Variants in NT5DC3 observed in about 807,000 individuals in gnomAD.
NT5DC3 encodes the protein 5'-nucleotidase domain-containing protein 3.
NT5DC3 carries 42 observed loss-of-function variants against 67.8 expected under a neutral mutation model. The ratio of observed to expected loss-of-function variants is 0.62; its 90% confidence interval spans 0.48 to 0.80. NT5DC3 has a LOEUF of 0.80. Among genes scored for constraint, NT5DC3 ranks in the 30% least tolerant of loss-of-function variants. The pLI, the probability that NT5DC3 is intolerant of heterozygous loss-of-function variation, is 0.00. For missense variants in NT5DC3, 570 were observed against 696.4 expected (o/e 0.82, Z 2.04); for synonymous variants, 237 against 255.6 (o/e 0.93, Z 0.69).
At chr12:103,797,752 G>A (rs1278305295) in intron 5 of NT5DC3, among the ~76,000 whole-genome samples, 2 of 152,092 alleles carry the variant, frequency 1.3e-5, no homozygotes, top group Non-Finnish European at 2.9e-5. Flanking sequence ...CCACATTTGA[G>A]CTTAAAAAAG....
At chr12:103,755,128 C>CA in the NT5DC3 span, 3 of 811,858 alleles carry the variant, frequency 3.7e-6, no homozygotes, top group Non-Finnish European at 5.8e-6. Context: ...CCCAGTGGCT[C>CA]AATCAATCAG....
chr12:103,766,229 T>G, downstream of NT5DC3: 1 of 1,609,676 alleles, frequency 6.2e-7, no homozygotes, highest in Non-Finnish European at 8.5e-7. Context: ...CCAGAAAGAT[T>G]CAACTAGGAC....
the NT5DC3 span, among the ~76,000 whole-genome samples, chr12:103,761,754 T>A: frequency 6.6e-6 from 1 of 152,228 alleles, no homozygotes; most frequent in Non-Finnish European, 1.5e-5. Flanking sequence ...TTTTCTCATC[T>A]GCAAAATGGG....
chr12:103,817,865 A>T (rs57330759), intron 1 of NT5DC3, among the ~76,000 whole-genome samples: 2 of 152,116 alleles, frequency 1.3e-5, no homozygotes, highest in Non-Finnish European at 2.9e-5. Flanking sequence ...CTTCTTTCTG[A>T]CTATGAATGG....
At chr12:103,750,974 C>T in the NT5DC3 span, among the ~76,000 whole-genome samples, 2 of 152,208 alleles carry the variant, frequency 1.3e-5, no homozygotes, top group Non-Finnish European at 2.9e-5. Flanking sequence ...CGCCTGTAAT[C>T]CCAGCTACTT....
the NT5DC3 span, chr12:103,763,417 C>T: frequency 7.4e-7 from 1 of 1,356,020 alleles, no homozygotes; most frequent in Non-Finnish European, 1.0e-6. Context: ...GGGTGGCTTG[C>T]TTTACCTGCC....
the NT5DC3 span, among the ~76,000 whole-genome samples, chr12:103,757,263 CT>C: frequency 8.6e-5 from 13 of 151,304 alleles, no homozygotes; most frequent in African/African-American, 2.9e-4. Flanking sequence ...AATTTTTTAA[CT>C]TTTTGTAGAG....
rs2139321223 is a variant in NT5DC3, at chr12:103,787,477, C to T, written c.1152G>A (p.Val384=). The part of the protein sequence containing the change: ...LKLTGWRGSR[V]LYFGDHIYSD... ...TGTATATATGGTCACCAAAATACAA[C>T]ACTCTGGATCCTCTCCATCCAGTAA... The change falls in exon 11 of 14, where the codon GTG becomes GTA. Residue 384 remains valine (V), a synonymous_variant. Transcript: ENST00000392876. 6.2e-7 allele frequency: 1 copy of T among 1,604,150 alleles called. No homozygotes were observed. Among genetic ancestry groups the T allele is most frequent in the East Asian group, 2.2e-5 (1 of 44,752 alleles).
intron 2 of NT5DC3, among the ~76,000 whole-genome samples, chr12:103,812,496 T>G (rs1432999327): frequency 6.7e-6 from 1 of 148,244 alleles, no homozygotes; most frequent in Non-Finnish European, 1.5e-5. Context: ...ATTGCAGCTT[T>G]TATTTTATCC....
At chr12:103,819,224 G>A (rs1013770785) in intron 1 of NT5DC3, among the ~76,000 whole-genome samples, 3 of 152,186 alleles carry the variant, frequency 2.0e-5, no homozygotes, top group Non-Finnish European at 4.4e-5. Context: ...TGTCATCCTC[G>A]AACACGAGGA....
At chr12:103,806,294 A>T (rs1886797989) in intron 4 of NT5DC3, 28 bp downstream of exon 4, 3 of 1,504,360 alleles carry the variant, frequency 2.0e-6, no homozygotes, top group Non-Finnish European at 2.8e-6. Flanking sequence ...ACTTCACGTA[A>T]ATTAAATGTA....
Position 103,773,582 on chromosome 12 carries a change from G to A in NT5DC3, c.*4247C>T, listed in dbSNP as rs1885245019. On this transcript the variant is annotated 3_prime_UTR_variant, in exon 14 of 14. Coordinates refer to ENST00000392876, the MANE Select transcript of NT5DC3 (RefSeq NM_001031701.3). ...GAAAAACCTGGTACAAAAGAAAGTC[G>A]ATATTAAGAAGGCAAAATGTAGGTT... The A allele has an allele frequency of 6.6e-6, 1 of 152,162 alleles. No individual in the cohort carries two copies. The highest frequency in any genetic ancestry group is 2.4e-5 in the African/African-American group (1 of 41,432). 9.4% of individuals were successfully genotyped at this position (152,162 alleles called of 1,614,324 possible).
chr12:103,759,615 C>T, the NT5DC3 span, among the ~76,000 whole-genome samples: 80 of 152,150 alleles, frequency 5.3e-4, no homozygotes, highest in Non-Finnish European at 1.0e-3. Flanking sequence ...CCAGTTCTGC[C>T]ACTTGCTAAC....
intron 2 of NT5DC3, among the ~76,000 whole-genome samples, chr12:103,812,904 T>C (rs1367848396): frequency 1.3e-5 from 2 of 152,236 alleles, no homozygotes; most frequent in Non-Finnish European, 2.9e-5. Context: ...ACTAATTCAT[T>C]TACCACAGTG....
the NT5DC3 span, chr12:103,749,025 G>T: frequency 8.1e-6 from 13 of 1,614,074 alleles, no homozygotes; most frequent in Non-Finnish European, 1.1e-5. Flanking sequence ...CTCCCAGAAG[G>T]GCACGAAGGT....
At chr12:103,792,076 A>T (rs1049702222) in intron 9 of NT5DC3, among the ~76,000 whole-genome samples, 1 of 152,184 alleles carries the variant, frequency 6.6e-6, no homozygotes, top group Non-Finnish European at 1.5e-5. Flanking sequence ...TTTCTTTGGA[A>T]TCCCAACCAG....
intron 1 of NT5DC3, among the ~76,000 whole-genome samples, chr12:103,838,705 T>C (rs1293935450): frequency 6.6e-6 from 1 of 152,192 alleles, no homozygotes; most frequent in Non-Finnish European, 1.5e-5. Context: ...GGTAAATGGT[T>C]CAATAGAGTT....
At chr12:103,814,916 G>T in intron 2 of NT5DC3, 21 bp downstream of exon 2, 1 of 1,578,358 alleles carries the variant, frequency 6.3e-7, no homozygotes, top group Non-Finnish European at 8.6e-7. Flanking sequence ...GGAGAAGCCT[G>T]AAATGTCCCT....
rs779263406 is a variant in NT5DC3, at chr12:103,777,850, C to A, written c.1626G>T (p.Leu542=). 1 of 1,613,340 alleles carries A rather than the reference C, an allele frequency of 6.2e-7. No individual in the cohort carries two copies. Among genetic ancestry groups the A allele is most frequent in the East Asian group, 2.2e-5 (1 of 44,866 alleles). ...TTGGCTACTTGGCCTGGGCCTCCTG[C>A]AGGAGAGGGGTTCCGAAGGTGGGGG... ...ERPPTFGTPL[L]QEAQAK Residue 542 remains leucine, a synonymous_variant, in exon 14 of 14, where the codon CTG becomes CTT. Coordinates refer to ENST00000392876, the MANE Select transcript of NT5DC3 (RefSeq NM_001031701.3).
Sources: gnomAD v4.1 joint callset for allele counts (sites outside exome capture counted in the v4.1 genomes callset) on GRCh38, gnomAD v4.1.1 for gene constraint, MANE v1.5 for transcripts, NCBI Gene and HGNC (gene_info 2026-07-23, HGNC 2026-07-21) for gene names.